GCKR: variants seen among roughly 807,000 people sequenced by gnomAD.
GCKR encodes glucokinase regulator, also known as glucokinase regulatory protein.
GCKR carries 73 observed loss-of-function variants against 82.9 expected under a neutral mutation model. That is an observed-to-expected ratio of 0.88 (90% CI 0.73 to 1.07). The LOEUF (loss-of-function observed/expected upper bound fraction) is 1.07, where lower values mean the gene tolerates loss of function less well. Among genes scored for constraint, GCKR ranks in the 50% least tolerant of loss-of-function variants. The probability of loss-of-function intolerance (pLI) is 0.00; values close to 1 mark genes in which losing one functional copy is unlikely to be tolerated. For synonymous variants in GCKR, 294 were observed against 291.8 expected (o/e 1.01, Z -0.08); for missense variants, 784 against 782.1 (o/e 1.00, Z -0.03).
chr2:27,504,983 G>A lies in GCKR; in HGVS notation c.751-735G>A, dbSNP rs372004982. Reference sequence around the variant, plus strand: ...TCTACCAAAAATACAAAAATTAGCCGGGCGTGGTGGCAGGTGCCTGTAATC... The same window carrying A: ...TCTACCAAAAATACAAAAATTAGCCAGGCGTGGTGGCAGGTGCCTGTAATC... On this transcript the variant is annotated intron_variant, in intron 9 of 18. Coordinates refer to ENST00000264717, the MANE Select transcript of GCKR (RefSeq NM_001486.4). 4.5e-4 allele frequency among the ~76,000 whole-genome samples: 69 copies of A among 151,910 alleles called. No individual in the cohort carries two copies. The South Asian group carries it at 7.7e-3, about 17-fold the overall frequency.
At position 27,498,375 on chromosome 2, in the gene GCKR, C is replaced by T. The variant is rs757675429; in HGVS notation, c.354+52C>T. On this transcript the variant is annotated intron_variant, in intron 4 of 18. Transcript: ENST00000264717. Reference sequence around the variant, plus strand: ...TCCCCCTCCACTTCTGGAGGTGACCCTCAGGACCATAAAGATCATCATAAC... The same window carrying T: ...TCCCCCTCCACTTCTGGAGGTGACCTTCAGGACCATAAAGATCATCATAAC... 3.7e-6 allele frequency: 5 copies of T among 1,359,492 alleles called. No homozygotes were observed. The African/African-American group carries it at 7.1e-5, about 19-fold the overall frequency. The allele number at this position is 1,359,492 out of a possible 1,614,324, so 84.2% of individuals were successfully genotyped here.
At chr2:27,508,791 G>A (rs1005403033) in intron 16 of GCKR, among the ~76,000 whole-genome samples, 15 of 152,038 alleles carry the variant, frequency 9.9e-5, no homozygotes, top group South Asian at 2.1e-4. Flanking sequence ...GGGATTACAG[G>A]TGTAAGCCGC....
At chr2:27,514,357 T>G (rs1232894447) in intron 16 of GCKR, among the ~76,000 whole-genome samples, 2 of 152,174 alleles carry the variant, frequency 1.3e-5, no homozygotes. Context: ...AATGTTGATT[T>G]CCAACATCAT....
Position 27,518,891 on chromosome 2 carries a change from G to A in GCKR, c.1526G>A (p.Arg509Gln), listed in dbSNP as rs774897340. 29 of 1,613,598 alleles carry A rather than the reference G, an allele frequency of 1.8e-5. No individual in the cohort carries two copies. The highest frequency in any genetic ancestry group is 1.5e-4 in the South Asian group (14 of 91,070). The change falls in exon 17 of 19, where the codon CGG becomes CAG. Residue 509 changes from arginine (R) to glutamine (Q), a missense_variant. Physicochemically the swap from Arg to Gln is conservative, Grantham distance 43 (BLOSUM62 1). Coordinates refer to ENST00000264717, the MANE Select transcript of GCKR (RefSeq NM_001486.4). ...CTACAAAACCACATGTTGGACCTTC[G>A]GATTAGCAACTCCAAGCTCTTCTGG... Reference protein sequence around the residue: ...KILQNHMLDLRISNSKLFWRA... With the variant: ...KILQNHMLDLQISNSKLFWRA...
rs762451553 is a variant in GCKR at position 27,523,425 on chromosome 2, C to A, written c.1864C>A (p.Pro622Thr). Residue 622 changes from proline (P) to threonine (T), a missense_variant, in exon 19 of 19, where the codon CCT (proline) becomes ACT (threonine). Transcript: ENST00000264717. ...RTADPLEILE[P>T]DVQ is the part of the protein sequence containing the mutation. ...TGCGGACCCCCTCGAGATCCTAGAG[C>A]CTGACGTTCAGTGAACCCATGTTTC... The A allele has an allele frequency of 4.4e-6, 7 of 1,607,298 alleles. No homozygotes were observed. The highest frequency in any genetic ancestry group is 5.1e-6 in the Non-Finnish European group (6 of 1,179,988).
Position 27,523,425 on chromosome 2 carries a change from C to G in GCKR, c.1864C>G (p.Pro622Ala). ...TGCGGACCCCCTCGAGATCCTAGAGCCTGACGTTCAGTGAACCCATGTTTC... is the reference window on the plus strand; with the variant it reads ...TGCGGACCCCCTCGAGATCCTAGAGGCTGACGTTCAGTGAACCCATGTTTC... ...RTADPLEILEPDVQ is the reference protein window; with the variant it reads ...RTADPLEILEADVQ The change falls in exon 19 of 19, where the codon CCT (proline) becomes GCT (alanine). Residue 622 changes from proline (P) to alanine (A), a missense_variant. Physicochemically the swap from Pro to Ala is conservative, Grantham distance 27. Transcript: ENST00000264717. The G allele has an allele frequency of 6.2e-7, 1 of 1,607,418 alleles. No homozygotes were observed. Among genetic ancestry groups the G allele is most frequent in the Non-Finnish European group, 8.5e-7 (1 of 1,179,980 alleles).
At chr2:27,512,093 G>T (rs978937854) in intron 16 of GCKR, among the ~76,000 whole-genome samples, 40 of 151,972 alleles carry the variant, frequency 2.6e-4, no homozygotes, top group African/African-American at 9.2e-4. Flanking sequence ...ACAAAAATTA[G>T]CCAGGCGTGG....
chr2:27,506,564 A>T lies in GCKR; in HGVS notation c.953A>T (p.Lys318Met). 1 of 1,609,372 alleles carries T rather than the reference A, an allele frequency of 6.2e-7. No individual in the cohort carries two copies. The highest frequency in any genetic ancestry group is 8.5e-7 in the Non-Finnish European group (1 of 1,175,652). ...SQSPKIATLM[K>M]SVSTSLEKKG... ...AGCCCCAAGATTGCCACCCTGATGAAGAGTGTCAGCACCAGGTGTGTGGAT... is the reference window on the plus strand; with the variant it reads ...AGCCCCAAGATTGCCACCCTGATGATGAGTGTCAGCACCAGGTGTGTGGAT... The change falls in exon 11 of 19, where the codon AAG (lysine) becomes ATG (methionine). Residue 318 changes from lysine (K) to methionine (M), a missense_variant. Lys to Met is a moderately conservative substitution (Grantham distance 95). Coordinates refer to ENST00000264717, the MANE Select transcript of GCKR (RefSeq NM_001486.4).
In GCKR at chr2:27,505,786, G is replaced by C. The variant is rs779287544; in HGVS notation, c.819G>C (p.Leu273=). The change falls in exon 10 of 19, where the codon CTG becomes CTC. Residue 273 remains leucine (L), a synonymous_variant. Transcript: ENST00000264717. ...CCACCAAGATTCTGCTGGAAACCCT[G>C]TTATTAGCAGCCCATAAGACTGTGG... The part of the protein sequence containing the change: ...GSATKILLET[L]LLAAHKTVDQ... 1 of 1,611,458 alleles carries C rather than the reference G, an allele frequency of 6.2e-7. No individual in the cohort carries two copies. Among genetic ancestry groups the C allele is most frequent in the African/African-American group, 1.3e-5 (1 of 74,990 alleles).
chr2:27,506,904 TGTTCTTCCTGC>T lies in GCKR; in HGVS notation c.1066+20_1066+30del. The stretch of plus-strand genomic sequence containing the variant: ...GGTGCTGGTGGGACCCCAGTCCAGA[TGTTCTTCCTGC>T]TTCCTCCTGATCCCAACCATTCGGG... On this transcript the variant is annotated intron_variant, in intron 12 of 18. Coordinates refer to ENST00000264717, the MANE Select transcript of GCKR (RefSeq NM_001486.4). 6.8e-7 allele frequency: 1 copy of T among 1,460,976 alleles called. No individual in the cohort carries two copies. Among genetic ancestry groups the T allele is most frequent in the South Asian group, 1.1e-5 (1 of 87,970 alleles). The allele number at this position is 1,460,976 out of a possible 1,614,324, so 90.5% of individuals were successfully genotyped here.
chr2:27,499,373 A>G (rs745769517), intron 6 of GCKR, 24 bp from the exon 7 acceptor site: 1 of 1,591,716 alleles, frequency 6.3e-7, no homozygotes, highest in Non-Finnish European at 8.6e-7. Flanking sequence ...CAGTTACACT[A>G]CCTTGTCCAT....
chr2:27,511,426 G>A (rs962241070), intron 16 of GCKR, among the ~76,000 whole-genome samples: 33 of 152,148 alleles, frequency 2.2e-4, no homozygotes, highest in African/African-American at 6.5e-4. Flanking sequence ...GACAGACGCC[G>A]TGGCTCACGC....
chr2:27,506,782 T>C lies in GCKR; in HGVS notation c.969-6T>C. 1 of 1,589,448 alleles carries C rather than the reference T, an allele frequency of 6.3e-7. No individual in the cohort carries two copies. Among genetic ancestry groups the C allele is most frequent in the Non-Finnish European group, 8.6e-7 (1 of 1,157,566 alleles). On this transcript the variant is annotated splice_region_variant and splice_polypyrimidine_tract_variant and intron_variant, in intron 11 of 18. Transcript: ENST00000264717. ...TCTCATGTCCTGACCTCTGACCCAT[T>C]CTCAGTCTGGAGAAGAAAGGCCACG...
At chr2:27,515,940 A>AT (rs35843492) in intron 16 of GCKR, among the ~76,000 whole-genome samples, 35,391 of 131,904 alleles carry the variant, frequency 0.27, 5,419 homozygotes, top group African/African-American at 0.39. Flanking sequence ...ATTAAACAAA[A>AT]TTTTTTTTTT....
At position 27,505,786 on chromosome 2, in the gene GCKR, G is replaced by T. The variant is rs779287544; in HGVS notation, c.819G>T (p.Leu273=). 3.1e-6 allele frequency: 5 copies of T among 1,611,340 alleles called. No homozygotes were observed. Among genetic ancestry groups the T allele is most frequent in the Admixed American group, 3.3e-5 (2 of 59,996 alleles). The change falls in exon 10 of 19, where the codon CTG becomes CTT. Residue 273 remains leucine, a synonymous_variant. Transcript: ENST00000264717. ...GSATKILLET[L]LLAAHKTVDQ... is the part of the protein sequence containing the mutation. ...CCACCAAGATTCTGCTGGAAACCCT[G>T]TTATTAGCAGCCCATAAGACTGTGG...
At chr2:27,500,466 A>T (rs1316402548) in intron 7 of GCKR, among the ~76,000 whole-genome samples, 2 of 152,202 alleles carry the variant, frequency 1.3e-5, no homozygotes, top group African/African-American at 4.8e-5. Flanking sequence ...GAACACAGCC[A>T]TTTTTGTTTA....
Position 27,508,233 on chromosome 2 carries a change from T to C in GCKR, c.1404T>C (p.Tyr468=). 4 of 1,605,638 alleles carry C rather than the reference T, an allele frequency of 2.5e-6. No homozygotes were observed. The highest frequency in any genetic ancestry group is 1.1e-5 in the South Asian group (1 of 90,914). Residue 468 remains tyrosine, a synonymous_variant, in exon 16 of 19, where the codon TAT becomes TAC. Transcript: ENST00000264717. ...SITWPLLFFE[Y]EGNFIQKFQR... ...CATGGCCACTGCTTTTCTTTGAATA[T>C]GAAGGGAACTTCATCCAGGTATGGG...
intron 2 of GCKR, 61 bp from the exon 3 acceptor site, chr2:27,497,501 C>A: frequency 1.1e-5 from 17 of 1,558,746 alleles, no homozygotes; most frequent in Non-Finnish European, 1.5e-5. Flanking sequence ...AACCCTGAGA[C>A]CCCCTCCCCC....
chr2:27,522,476 C>G lies in GCKR; in HGVS notation c.1589C>G (p.Ser530Cys). 3.7e-6 allele frequency: 6 copies of G among 1,613,854 alleles called. No individual in the cohort carries two copies. The highest frequency in any genetic ancestry group is 5.1e-6 in the Non-Finnish European group (6 of 1,179,780). Residue 530 changes from serine to cysteine, a missense_variant, in exon 18 of 19, where the codon TCC becomes TGC. Ser to Cys is a moderately radical substitution (Grantham distance 112). Coordinates refer to ENST00000264717, the MANE Select transcript of GCKR (RefSeq NM_001486.4). Reference sequence around the variant, plus strand: ...CTTCCTTAGCGGTTCTCTGGACAGTCCAAGGCTCGATGCATCGAGAGCCTC... The same window carrying G: ...CTTCCTTAGCGGTTCTCTGGACAGTGCAAGGCTCGATGCATCGAGAGCCTC... Reference protein sequence around the residue: ...LAMLQRFSGQSKARCIESLLR... With the variant: ...LAMLQRFSGQCKARCIESLLR...
Sources: gnomAD v4.1 joint callset for allele counts (sites outside exome capture counted in the v4.1 genomes callset) on GRCh38, gnomAD v4.1.1 for gene constraint, MANE v1.5 for transcripts, NCBI Gene and HGNC (gene_info 2026-07-23, HGNC 2026-07-21) for gene names.